Variants in OSBP2 observed in about 807,000 individuals in gnomAD.
OSBP2 encodes the protein oxysterol binding protein 2.
Under a neutral mutation model 96.0 loss-of-function variants are expected in OSBP2, and 66 were observed. The observed-to-expected ratio is 0.69, with a 90% confidence interval of 0.56 to 0.84. OSBP2 has a LOEUF of 0.84. Among genes scored for constraint, OSBP2 ranks in the 40% least tolerant of loss-of-function variants. The pLI, the probability that OSBP2 is intolerant of heterozygous loss-of-function variation, is 0.00. For missense variants in OSBP2, 1,038 were observed against 1,222.7 expected, an observed-to-expected ratio of 0.85 and a Z score of 2.25; for synonymous variants, 525 against 520.9, an observed-to-expected ratio of 1.01 and a Z score of -0.11.
intron 2 of OSBP2, among the ~76,000 whole-genome samples, chr22:30,823,265 C>G (rs1272175917): frequency 6.6e-6 from 1 of 152,234 alleles, no homozygotes; most frequent in African/African-American, 2.4e-5. Context: ...CCCAAGGGCC[C>G]TTCCTAGCGT....
At chr22:30,799,703 C>T (rs1208507639) in intron 2 of OSBP2, among the ~76,000 whole-genome samples, 2 of 152,198 alleles carry the variant, frequency 1.3e-5, no homozygotes, top group African/African-American at 4.8e-5. Flanking sequence ...TTTCATTCTG[C>T]AGAAAATGTG....
chr22:30,748,775 G>A (rs1323347515), intron 2 of OSBP2, among the ~76,000 whole-genome samples: 7 of 152,168 alleles, frequency 4.6e-5, no homozygotes, highest in Non-Finnish European at 7.3e-5. Flanking sequence ...ACAGAGTAGG[G>A]CATCCTCAGA....
intron 2 of OSBP2, among the ~76,000 whole-genome samples, chr22:30,807,707 C>T (rs1398277640): frequency 2.0e-5 from 3 of 152,238 alleles, no homozygotes; most frequent in Non-Finnish European, 2.9e-5. Flanking sequence ...CTTCCTTCCT[C>T]CCCTGAGCTT....
chr22:30,694,098 AC>A, upstream of OSBP2: 2 of 1,444,258 alleles, frequency 1.4e-6, no homozygotes, highest in Non-Finnish European at 1.9e-6. Flanking sequence ...AGCCTCACAG[AC>A]TGCCAGCCTA....
At chr22:30,757,591 T>C (rs1410026374) in intron 2 of OSBP2, among the ~76,000 whole-genome samples, 4 of 152,058 alleles carry the variant, frequency 2.6e-5, no homozygotes, top group African/African-American at 4.8e-5. Flanking sequence ...CTAATTTTTG[T>C]ATTTTCGGTA....
intron 2 of OSBP2, among the ~76,000 whole-genome samples, chr22:30,770,315 C>T (rs761308414): frequency 9.9e-5 from 15 of 151,892 alleles, no homozygotes; most frequent in Admixed American, 2.0e-4. Flanking sequence ...GCCAGGCTGA[C>T]GAACTCCTGA....
chr22:30,809,673 G>A (rs1483483247), intron 2 of OSBP2, among the ~76,000 whole-genome samples: 1 of 152,106 alleles, frequency 6.6e-6, no homozygotes, highest in East Asian at 1.9e-4. Context: ...TTCATATCAG[G>A]GAGCCATGGA....
At chr22:30,747,153 G>A (rs1454762205) in intron 2 of OSBP2, among the ~76,000 whole-genome samples, 1 of 152,196 alleles carries the variant, frequency 6.6e-6, no homozygotes, top group East Asian at 1.9e-4. Flanking sequence ...AGCAAGCTAG[G>A]AATAGAACAG....
chr22:30,906,280 G>A lies in OSBP2; in HGVS notation c.2692G>A (p.Gly898Ser). Residue 898 changes from glycine to serine, a missense_variant, in exon 14 of 14, where the codon GGC becomes AGC. Gly to Ser is a moderately conservative substitution (Grantham distance 56). Transcript: ENST00000332585. Reference protein sequence around the residue: ...LTGEMACVYKGGYWEAKEKQD... With the variant: ...LTGEMACVYKSGYWEAKEKQD... ...CGGGGAGATGGCCTGTGTGTACAAG[G>A]GCGGCTACTGGGAGGCCAAGGAGAA... 3 of 1,614,042 alleles carry A rather than the reference G, an allele frequency of 1.9e-6. No individual in the cohort carries two copies. The highest frequency in any genetic ancestry group is 1.7e-6 in the Non-Finnish European group (2 of 1,179,922).
At chr22:30,835,532 T>C (rs2038612706) in intron 2 of OSBP2, among the ~76,000 whole-genome samples, 1 of 152,164 alleles carries the variant, frequency 6.6e-6, no homozygotes, top group African/African-American at 2.4e-5. Flanking sequence ...ATAGACACTC[T>C]TAATTTGAAT....
chr22:30,825,118 C>T (rs1158735598), intron 2 of OSBP2, among the ~76,000 whole-genome samples: 1 of 152,182 alleles, frequency 6.6e-6, no homozygotes, highest in Non-Finnish European at 1.5e-5. Context: ...AAGCACAGCC[C>T]CACTGCTTGC....
At chr22:30,857,791 C>T (rs1012549693) in intron 2 of OSBP2, among the ~76,000 whole-genome samples, 6 of 152,186 alleles carry the variant, frequency 3.9e-5, no homozygotes, top group East Asian at 3.9e-4. Context: ...ATCTCTTACT[C>T]GGAGTAAACT....
At chr22:30,813,885 C>G (rs2091046076) in intron 2 of OSBP2, among the ~76,000 whole-genome samples, 1 of 151,918 alleles carries the variant, frequency 6.6e-6, no homozygotes, top group African/African-American at 2.4e-5. Context: ...TCACCGCAAC[C>G]TCCGCCTCCC....
chr22:30,730,769 T>TC (rs1216350384), intron 1 of OSBP2, among the ~76,000 whole-genome samples: 775 of 48,350 alleles, frequency 0.016, 87 homozygotes, highest in Middle Eastern at 0.024. Context: ...TCTCTCTCTC[T>TC]CTCTCTATAT....
intron 1 of OSBP2, among the ~76,000 whole-genome samples, chr22:30,715,146 C>G (rs569145548): frequency 6.6e-5 from 10 of 152,064 alleles, no homozygotes; most frequent in African/African-American, 2.4e-4. Flanking sequence ...ATCCTCTCTC[C>G]TCATCCTCCC....
At chr22:30,889,281 TAGGGG>T in intron 6 of OSBP2, 47 bp downstream of exon 6, 1 of 1,573,646 alleles carries the variant, frequency 6.4e-7, no homozygotes, top group Non-Finnish European at 8.7e-7. Context: ...GCTTCTGGCC[TAGGGG>T]GTGGGAGGGA....
chr22:30,869,536 G>GTT (rs1176375813), intron 2 of OSBP2, among the ~76,000 whole-genome samples: 1 of 152,254 alleles, frequency 6.6e-6, no homozygotes, highest in East Asian at 1.9e-4. Context: ...GGGTGTTTTT[G>GTT]TTTTGTTTTG....
chr22:30,810,410 T>C (rs1416426337), intron 2 of OSBP2, among the ~76,000 whole-genome samples: 1 of 152,160 alleles, frequency 6.6e-6, no homozygotes, highest in Non-Finnish European at 1.5e-5. Flanking sequence ...TATCCATTTC[T>C]GGCACCTCTC....
chr22:30,823,208 C>G (rs908239346), intron 2 of OSBP2, among the ~76,000 whole-genome samples: 1 of 152,192 alleles, frequency 6.6e-6, no homozygotes, highest in African/African-American at 2.4e-5. Flanking sequence ...CCCTCCCCGT[C>G]CCGTGGTGAT....
Sources: allele counts gnomAD v4.1 joint callset (sites outside exome capture counted in the v4.1 genomes callset), GRCh38; gene constraint gnomAD v4.1.1; transcripts MANE v1.5; gene names NCBI Gene and HGNC (gene_info 2026-07-23, HGNC 2026-07-21).